The following NUP107 variants were observed in gnomAD, a reference collection of about 807,000 sequenced individuals.
The protein encoded by NUP107 is nucleoporin 107.
NUP107 carries 101 observed loss-of-function variants against 141.0 expected under a neutral mutation model. The ratio of observed to expected loss-of-function variants is 0.72; its 90% CI spans 0.61 to 0.84. The LOEUF is 0.84. NUP107 is among the 40% of genes least tolerant of loss of function. The pLI is 0.00. For missense variants in NUP107, 941 were observed against 1,102.7 expected (o/e 0.85, Z 2.08); for synonymous variants, 319 against 363.9 (o/e 0.88, Z 1.41).
intron 26 of NUP107, among the ~76,000 whole-genome samples, chr12:68,736,712 G>A (rs973967938): frequency 3.9e-5 from 5 of 129,536 alleles, no homozygotes; most frequent in African/African-American, 8.7e-5. Flanking sequence ...TCAATGTGTC[G>A]CCACCTTTTT....
intron 6 of NUP107, among the ~76,000 whole-genome samples, chr12:68,699,181 G>A (rs892251937): frequency 1.3e-5 from 2 of 152,110 alleles, no homozygotes; most frequent in Non-Finnish European, 2.9e-5. Context: ...CACCAGCCTG[G>A]CCAATATGGT....
At chr12:68,732,769 T>C (rs754789366) in intron 23 of NUP107, 30 bp downstream of exon 23, 7 of 1,389,368 alleles carry the variant, frequency 5.0e-6, no homozygotes, top group Admixed American at 1.7e-5. Flanking sequence ...AGCTTCAAAC[T>C]CCTGGGCTCC....
intron 20 of NUP107, 74 bp from the exon 21 acceptor site, chr12:68,731,036 T>C (rs1238904035): frequency 2.0e-6 from 2 of 977,538 alleles, no homozygotes; most frequent in Non-Finnish European, 3.0e-6. Flanking sequence ...GAACCTCTCC[T>C]GAATACATTT....
At chr12:68,701,306 A>G (rs1876315040) in intron 7 of NUP107, among the ~76,000 whole-genome samples, 2 of 152,222 alleles carry the variant, frequency 1.3e-5, no homozygotes, top group Admixed American at 6.5e-5. Flanking sequence ...AATCTCAAAA[A>G]ATTAAAAACT....
intron 3 of NUP107, chr12:68,690,327 A>G: frequency 2.7e-6 from 1 of 375,472 alleles, no homozygotes; most frequent in South Asian, 2.9e-5. Flanking sequence ...TGCCTTATAA[A>G]ATTAAAATAT....
intron 26 of NUP107, among the ~76,000 whole-genome samples, chr12:68,737,528 T>A (rs1451595001): frequency 6.9e-6 from 1 of 143,998 alleles, no homozygotes; most frequent in African/African-American, 2.6e-5. Flanking sequence ...GCCACTGCAC[T>A]TCAGCCTAGG....
chr12:68,723,912 T>C (rs1346088686), intron 17 of NUP107, among the ~76,000 whole-genome samples: 3 of 152,180 alleles, frequency 2.0e-5, no homozygotes, highest in African/African-American at 7.2e-5. Context: ...GCACTTGATA[T>C]AGTAAGGAAA....
At position 68,732,633 on chromosome 12, in the gene NUP107, A is replaced by G; in HGVS notation, c.1999-4A>G. The G allele has an allele frequency of 2.6e-6, 4 of 1,568,498 alleles. No individual in the cohort carries two copies. The highest frequency in any genetic ancestry group is 3.5e-6 in the Non-Finnish European group (4 of 1,151,458). ...TTTTTCTTTTTTTCCCCTTTAATAA[A>G]TAGGAGGATCGTTTAAAAATTGATG... On this transcript the variant is annotated splice_polypyrimidine_tract_variant and splice_region_variant and intron_variant, in intron 22 of 27. Transcript: ENST00000229179.
At chr12:68,692,957 C>T (rs933349859) in intron 5 of NUP107, among the ~76,000 whole-genome samples, 1 of 151,988 alleles carries the variant, frequency 6.6e-6, no homozygotes, top group Non-Finnish European at 1.5e-5. Flanking sequence ...GCCATGTTGG[C>T]CAGGCTTGTC....
intron 15 of NUP107, among the ~76,000 whole-genome samples, chr12:68,721,461 A>G (rs951807981): frequency 2.0e-5 from 3 of 152,212 alleles, no homozygotes; most frequent in Non-Finnish European, 2.9e-5. Flanking sequence ...ATGACTTAAA[A>G]TACTCATAGC....
rs748548782 is a variant in NUP107 at position 68,689,583 on chromosome 12, G to C, written c.151G>C (p.Val51Leu). Residue 51 changes from valine (V) to leucine (L), a missense_variant, in exon 3 of 28, where the codon GTT becomes CTT. Physicochemically the swap from Val to Leu is conservative, Grantham distance 32. Transcript: ENST00000229179. ...TGGTAATACTACACCAAGAAACCAG[G>C]TTATCCCTCGAACTCCTAGCTCATT... ...NFGNTTPRNQ[V>L]IPRTPSSFRQ... The C allele has an allele frequency of 6.2e-7, 1 of 1,612,700 alleles. No homozygotes were observed. The highest frequency in any genetic ancestry group is 2.2e-5 in the East Asian group (1 of 44,710).
intron 2 of NUP107, 65 bp from the exon 3 acceptor site, chr12:68,689,468 A>G (rs974028984): frequency 3.3e-6 from 3 of 915,584 alleles, no homozygotes; most frequent in African/African-American, 3.4e-5. Context: ...TAGTAAAAAG[A>G]TGGTTAATTC....
intron 26 of NUP107, among the ~76,000 whole-genome samples, chr12:68,737,826 T>C (rs540080724): frequency 6.6e-6 from 1 of 152,170 alleles, no homozygotes; most frequent in Admixed American, 6.5e-5. Flanking sequence ...CTAACACGTG[T>C]CACTTGTATG....
intron 8 of NUP107, chr12:68,706,663 C>T: frequency 2.8e-6 from 2 of 725,056 alleles, no homozygotes; most frequent in Non-Finnish European, 2.6e-6. Context: ...GGGGAGCTGG[C>T]AGTTAAGGAT....
At position 68,724,145 on chromosome 12, in the gene NUP107, A is replaced by T. The variant is rs548970185; in HGVS notation, c.1507-1582A>T. On this transcript the variant is annotated intron_variant, in intron 17 of 27. Coordinates refer to ENST00000229179, the MANE Select transcript of NUP107 (RefSeq NM_020401.4). ...AGATACAAGACAACGTTTTTTTTTT[A>T]AAAGTCAAGTCTTTCTGTGCTTGTT... Among the ~76,000 whole-genome samples the T allele has an allele frequency of 5.7e-4, 86 of 151,602 alleles. No homozygotes were observed. The South Asian group carries it at 0.011, about 20-fold the overall frequency.
chr12:68,734,864 A>C (rs758109248), intron 25 of NUP107, 31 bp downstream of exon 25: 2 of 1,598,766 alleles, frequency 1.3e-6, no homozygotes, highest in Non-Finnish European at 1.7e-6. Flanking sequence ...GGATGTGCCT[A>C]CTGCATCTTA....
chr12:68,695,888 T>TC (rs1876026757), intron 5 of NUP107, among the ~76,000 whole-genome samples: 1 of 151,066 alleles, frequency 6.6e-6, no homozygotes, highest in Non-Finnish European at 1.5e-5. Context: ...ATACCTATAG[T>TC]CCCAGCTACT....
chr12:68,690,587 T>C, intron 3 of NUP107, 44 bp from the exon 4 acceptor site: 1 of 1,612,280 alleles, frequency 6.2e-7, no homozygotes, highest in Non-Finnish European at 8.5e-7. Flanking sequence ...TGATAATGAA[T>C]GCTCACGCAC....
At chr12:68,721,028 A>T in intron 14 of NUP107, 90 bp from the exon 15 acceptor site, 1 of 801,244 alleles carries the variant, frequency 1.2e-6, no homozygotes, top group Admixed American at 2.1e-5. Context: ...GGTTCAGTCT[A>T]GAAGAGTTTG....
Sources: gnomAD v4.1 joint callset for allele counts (sites outside exome capture counted in the v4.1 genomes callset) on GRCh38, gnomAD v4.1.1 for gene constraint, MANE v1.5 for transcripts, NCBI Gene and HGNC (gene_info 2026-07-23, HGNC 2026-07-21) for gene names.